Variants in SNX29 observed in about 807,000 individuals in gnomAD.
SNX29 encodes the protein sorting nexin 29, also known as sorting nexin-29.
A neutral mutation model predicts 102.1 loss-of-function variants in SNX29; 78 were observed. The observed-to-expected ratio is 0.76, with a 90% confidence interval of 0.64 to 0.92. The LOEUF (loss-of-function observed/expected upper bound fraction) is 0.92. Among genes scored for constraint, SNX29 ranks in the 40% least tolerant of loss-of-function variants. The pLI is 0.00. For synonymous variants in SNX29, 580 were observed against 414.5 expected (o/e 1.40, Z -4.85); for missense variants, 1,280 against 1,061.7 (o/e 1.21, Z -2.86).
intron 15 of SNX29, among the ~76,000 whole-genome samples, chr16:12,280,212 G>C (rs2079388189): frequency 6.6e-6 from 1 of 152,216 alleles, no homozygotes; most frequent in Non-Finnish European, 1.5e-5. Context: ...GGAAAGCATT[G>C]GCAGGAACTG....
intron 13 of SNX29, among the ~76,000 whole-genome samples, chr16:12,140,020 C>G (rs1233714729): frequency 5.5e-5 from 8 of 146,472 alleles, no homozygotes; most frequent in African/African-American, 7.6e-5. Flanking sequence ...AGGAATCTTA[C>G]CACTTAGAGT....
rs202082745 is a variant in SNX29 at position 12,305,387 on chromosome 16, C to G, written c.1782+27351C>G. Among the ~76,000 whole-genome samples the G allele has an allele frequency of 4.1e-4, 63 of 152,302 alleles. 1 individual carries two copies. The East Asian group carries it at 0.011, about 27-fold the overall frequency. On this transcript the variant is annotated intron_variant, in intron 15 of 20. Coordinates refer to ENST00000566228, the MANE Select transcript of SNX29 (RefSeq NM_032167.5). ...AATCCCTGCCCAAGGTGACAGGGACCAAAGGGCACAGCGCCGAGGGCGTCA... is the reference window on the plus strand; with the variant it reads ...AATCCCTGCCCAAGGTGACAGGGACGAAAGGGCACAGCGCCGAGGGCGTCA...
intron 14 of SNX29, among the ~76,000 whole-genome samples, chr16:12,250,367 G>T (rs2078386254): frequency 6.6e-6 from 1 of 152,052 alleles, no homozygotes. Flanking sequence ...CAGAGCCCCA[G>T]GAGAGAAGCC....
chr16:12,533,590 T>A (rs542861964), intron 20 of SNX29, among the ~76,000 whole-genome samples: 7 of 152,164 alleles, frequency 4.6e-5, no homozygotes, highest in Non-Finnish European at 8.8e-5. Context: ...GTATATTATT[T>A]GGAGGGAGGA....
At chr16:12,241,164 A>G (rs759391372) in intron 14 of SNX29, among the ~76,000 whole-genome samples, 6 of 152,282 alleles carry the variant, frequency 3.9e-5, no homozygotes, top group South Asian at 2.1e-4. Flanking sequence ...CGGGATTCCA[A>G]TTATAATTTT....
intron 20 of SNX29, among the ~76,000 whole-genome samples, chr16:12,548,561 A>G (rs1050634642): frequency 4.6e-5 from 7 of 152,136 alleles, no homozygotes; most frequent in South Asian, 2.1e-4. Flanking sequence ...GGGATTTTCT[A>G]TGATGCTGGC....
At chr16:12,294,092 T>G (rs539339359) in intron 15 of SNX29, among the ~76,000 whole-genome samples, 2 of 152,302 alleles carry the variant, frequency 1.3e-5, no homozygotes, top group African/African-American at 2.4e-5. Flanking sequence ...TGACGGTCAG[T>G]CCCCACTGCT....
chr16:12,183,616 A>G (rs1437387418), intron 13 of SNX29, among the ~76,000 whole-genome samples: 1 of 152,194 alleles, frequency 6.6e-6, no homozygotes, highest in Non-Finnish European at 1.5e-5. Context: ...ATTCTCCTAC[A>G]TTACCCCATA....
At chr16:12,077,075 A>G (rs1019778957) in intron 10 of SNX29, among the ~76,000 whole-genome samples, 1 of 152,170 alleles carries the variant, frequency 6.6e-6, no homozygotes, top group Non-Finnish European at 1.5e-5. Flanking sequence ...GGAGTTCAAC[A>G]CCACCAGTCT....
At chr16:12,539,510 C>T (rs1025802238) in intron 20 of SNX29, among the ~76,000 whole-genome samples, 1 of 152,128 alleles carries the variant, frequency 6.6e-6, no homozygotes, top group Non-Finnish European at 1.5e-5. Flanking sequence ...TGCGTTGGTT[C>T]CAGTTGTTGG....
At chr16:12,396,231 T>G (rs900053119) in intron 16 of SNX29, among the ~76,000 whole-genome samples, 3 of 152,152 alleles carry the variant, frequency 2.0e-5, no homozygotes, top group African/African-American at 7.2e-5. Context: ...AAGAAGCCCT[T>G]TGTTTTCGAT....
intron 20 of SNX29, among the ~76,000 whole-genome samples, chr16:12,538,763 CTGTGAGCATGTCACATCGCCAAGG>C (rs1826970145): frequency 6.6e-6 from 1 of 152,162 alleles, no homozygotes; most frequent in Non-Finnish European, 1.5e-5. Flanking sequence ...ATCATCCAAG[CTGTGAGCATGTCACATCGCCAAGG>C]GGGATTACAA....
chr16:12,506,357 G>A (rs779320458), intron 19 of SNX29, among the ~76,000 whole-genome samples: 24 of 152,222 alleles, frequency 1.6e-4, no homozygotes, highest in Non-Finnish European at 2.6e-4. Context: ...TGTAACTGGA[G>A]GGCGGAGTAC....
At chr16:12,246,001 T>C (rs1283598828) in intron 14 of SNX29, among the ~76,000 whole-genome samples, 1 of 152,118 alleles carries the variant, frequency 6.6e-6, no homozygotes, top group Admixed American at 6.5e-5. Flanking sequence ...TTGAACAGAG[T>C]GGATAAGTCA....
chr16:12,032,472 C>T (rs947804355), intron 4 of SNX29, among the ~76,000 whole-genome samples: 8 of 152,046 alleles, frequency 5.3e-5, no homozygotes, highest in Non-Finnish European at 1.0e-4. Context: ...TCCCAAAGTG[C>T]TGTGATTACA....
chr16:12,423,188 A>T (rs1168391219), intron 18 of SNX29, among the ~76,000 whole-genome samples: 1 of 151,554 alleles, frequency 6.6e-6, no homozygotes, highest in Non-Finnish European at 1.5e-5. Flanking sequence ...TCACCAATGC[A>T]TGGGGTTGTT....
At chr16:12,297,763 G>A (rs374975569) in intron 15 of SNX29, among the ~76,000 whole-genome samples, 117 of 152,202 alleles carry the variant, frequency 7.7e-4, no homozygotes, top group African/African-American at 2.4e-3. Flanking sequence ...TGTGAGCTGC[G>A]GAATATCGTT....
At chr16:12,406,763 C>T (rs2084182567) in intron 18 of SNX29, among the ~76,000 whole-genome samples, 1 of 152,144 alleles carries the variant, frequency 6.6e-6, no homozygotes, top group Non-Finnish European at 1.5e-5. Flanking sequence ...CAAAAATTAG[C>T]TGAGCGTTGC....
intron 17 of SNX29, 72 bp downstream of exon 17, chr16:12,398,573 G>A: frequency 6.5e-7 from 1 of 1,539,274 alleles, no homozygotes; most frequent in Non-Finnish European, 9.0e-7. Context: ...TGTCCCAGAA[G>A]ACCACAGGGG....
Sources: gnomAD v4.1 joint callset for allele counts (sites outside exome capture counted in the v4.1 genomes callset) on GRCh38, gnomAD v4.1.1 for gene constraint, MANE v1.5 for transcripts, NCBI Gene and HGNC (gene_info 2026-07-23, HGNC 2026-07-21) for gene names.